Variants in HIVEP1 observed in about 807,000 individuals in gnomAD.
HIVEP1 encodes zinc finger protein 40.
HIVEP1 carries 36 observed loss-of-function variants against 180.0 expected under a neutral mutation model. The ratio of observed to expected loss-of-function variants is 0.20; its 90% CI spans 0.15 to 0.26. The LOEUF is 0.26. Ranked by LOEUF, HIVEP1 falls within the 10% of genes least tolerant of loss-of-function variation. The pLI, the probability that HIVEP1 is intolerant of heterozygous loss-of-function variation, is 1.00. For synonymous variants in HIVEP1, 1,239 were observed against 1,239.0 expected (o/e 1.00, Z 0.00); for missense variants, 3,143 against 3,268.7 (o/e 0.96, Z 0.94).
intron 2 of HIVEP1, among the ~76,000 whole-genome samples, chr6:12,056,362 A>C (rs972528628): frequency 6.6e-6 from 1 of 152,222 alleles, no homozygotes; most frequent in Non-Finnish European, 1.5e-5. Flanking sequence ...TAATAATAAT[A>C]ATCTGTGTTT....
the HIVEP1 span, among the ~76,000 whole-genome samples, chr6:12,178,692 A>G: frequency 1.3e-5 from 2 of 152,160 alleles, no homozygotes; most frequent in African/African-American, 2.4e-5. Context: ...ACAATCTGGC[A>G]GTATTTATTA....
chr6:12,141,185 T>C (rs1006394105), intron 7 of HIVEP1, among the ~76,000 whole-genome samples: 2 of 152,110 alleles, frequency 1.3e-5, no homozygotes, highest in African/African-American at 4.8e-5. Context: ...GCAGAAACTC[T>C]ACAAGCCAGA....
rs183222493 is a variant in HIVEP1 at position 12,074,194 on chromosome 6, C to T, written c.41-14990C>T. Among the ~76,000 whole-genome samples, 561 of 152,260 alleles carry T rather than the reference C, an allele frequency of 3.7e-3. 2 individuals are homozygous for T. The highest frequency in any genetic ancestry group is 3.5e-3 in the Non-Finnish European group (241 of 68,026). On this transcript the variant is annotated intron_variant, in intron 2 of 8. Coordinates refer to ENST00000379388, the MANE Select transcript of HIVEP1 (RefSeq NM_002114.4). ...CCTTACTCAAAAGTTGGCACATGGCCGATTCTAAAGATGATGTGAGTGTCC... is the reference window on the plus strand; with the variant it reads ...CCTTACTCAAAAGTTGGCACATGGCTGATTCTAAAGATGATGTGAGTGTCC...
the HIVEP1 span, among the ~76,000 whole-genome samples, chr6:12,205,776 T>C: frequency 6.6e-6 from 1 of 152,248 alleles, no homozygotes; most frequent in African/African-American, 2.4e-5. Context: ...GAACTGCTTT[T>C]GGACAATTAA....
chr6:12,102,559 A>G (rs1774172804), intron 3 of HIVEP1, among the ~76,000 whole-genome samples: 1 of 152,210 alleles, frequency 6.6e-6, no homozygotes, highest in South Asian at 2.1e-4. Context: ...TAGACTAGGA[A>G]CATTGCTGTC....
At position 12,124,300 on chromosome 6, in the gene HIVEP1, A is replaced by G. The variant is rs376318752; in HGVS notation, c.4505A>G (p.Asn1502Ser). The G allele has an allele frequency of 5.6e-6, 9 of 1,613,934 alleles. No individual in the cohort carries two copies. The highest frequency in any genetic ancestry group is 2.2e-5 in the East Asian group (1 of 44,902). Residue 1502 changes from asparagine (N) to serine (S), a missense_variant, in exon 4 of 9, where the codon AAC becomes AGC. By Grantham distance (46) the Asn-to-Ser change is conservative (BLOSUM62 1). This residue lies in a region of HIVEP1 where 1,357 missense variants were observed against 1,260.5 expected (regional missense o/e 1.08). Transcript: ENST00000379388. ...GAAACATCAAACTCCAGCTCTACCA[A>G]CGTTTTTCCTGTTCAACAGCTCTGT... ...QAETSNSSST[N>S]VFPVQQLCDI...
intron 7 of HIVEP1, among the ~76,000 whole-genome samples, chr6:12,139,487 G>T (rs1758885537): frequency 6.6e-6 from 1 of 152,336 alleles, no homozygotes; most frequent in East Asian, 1.9e-4. Context: ...GGACTGGTTG[G>T]ACAGTGGGTG....
At chr6:12,173,431 G>A in the HIVEP1 span, among the ~76,000 whole-genome samples, 2 of 152,104 alleles carry the variant, frequency 1.3e-5, no homozygotes, top group Admixed American at 6.6e-5. Flanking sequence ...GAAAGAAAGC[G>A]ATGACAGGAA....
intron 5 of HIVEP1, 48 bp from the exon 6 acceptor site, chr6:12,130,719 A>G (rs1197058419): frequency 9.6e-7 from 1 of 1,039,860 alleles, no homozygotes; most frequent in Non-Finnish European, 1.4e-6. Flanking sequence ...ATATTTTCTC[A>G]GAGGCATAGT....
downstream of HIVEP1, among the ~76,000 whole-genome samples, chr6:12,167,568 C>A (rs993178974): frequency 5.7e-4 from 1 of 1,766 alleles, no homozygotes; most frequent in Non-Finnish European, 1.0e-3. Context: ...ATATTACATG[C>A]ATGTTATATA....
chr6:12,184,872 TTA>T, the HIVEP1 span, among the ~76,000 whole-genome samples: 1 of 152,248 alleles, frequency 6.6e-6, no homozygotes, highest in Non-Finnish European at 1.5e-5. Context: ...AAGTCATTAT[TTA>T]TTTAAAAATA....
In HIVEP1 at chr6:12,124,762, C is replaced by G. The variant is rs765050164; in HGVS notation, c.4967C>G (p.Pro1656Arg). 4 of 1,614,182 alleles carry G rather than the reference C, an allele frequency of 2.5e-6. No homozygotes were observed. The highest frequency in any genetic ancestry group is 3.4e-6 in the Non-Finnish European group (4 of 1,180,028). ...TGTTTTGCTACACTCACATCCCTGC[C>G]ACAAATACTAGTGACCCAAGATCTG... ...AYCFATLTSLPQILVTQDLPN... is the reference protein window; with the variant it reads ...AYCFATLTSLRQILVTQDLPN... Residue 1656 changes from proline to arginine, a missense_variant, in exon 4 of 9, where the codon CCA (proline) becomes CGA (arginine). This residue lies in a region of HIVEP1 where 1,357 missense variants were observed against 1,260.5 expected (regional missense o/e 1.08). Transcript: ENST00000379388.
the HIVEP1 span, among the ~76,000 whole-genome samples, chr6:12,205,449 T>A: frequency 6.6e-5 from 10 of 151,028 alleles, no homozygotes; most frequent in South Asian, 4.2e-4. Flanking sequence ...CCAGCCTGGG[T>A]GACAGAGCAA....
intron 3 of HIVEP1, among the ~76,000 whole-genome samples, chr6:12,104,171 G>C (rs1353731096): frequency 6.6e-6 from 1 of 152,126 alleles, no homozygotes; most frequent in Admixed American, 6.5e-5. Context: ...TGTCTTGCTT[G>C]TGGTTTAGAG....
At chr6:12,092,930 T>G (rs149893922) in intron 3 of HIVEP1, among the ~76,000 whole-genome samples, 172 of 152,304 alleles carry the variant, frequency 1.1e-3, no homozygotes, top group African/African-American at 3.9e-3. Flanking sequence ...AGAAATCACC[T>G]GATTGGCTGC....
the HIVEP1 span, among the ~76,000 whole-genome samples, chr6:12,181,633 CA>C: frequency 6.6e-6 from 1 of 152,006 alleles, no homozygotes; most frequent in East Asian, 1.9e-4. Flanking sequence ...TGAAGTAATC[CA>C]AAAGAAAAGT....
intron 7 of HIVEP1, 83 bp downstream of exon 7, chr6:12,135,975 AT>A (rs1258064951): frequency 2.8e-6 from 2 of 710,850 alleles, no homozygotes; most frequent in Non-Finnish European, 4.8e-6. Context: ...ATTCCCACTG[AT>A]TCTGCCTAAT....
chr6:12,064,061 C>T (rs1771405343), intron 2 of HIVEP1, among the ~76,000 whole-genome samples: 1 of 152,182 alleles, frequency 6.6e-6, no homozygotes, highest in Admixed American at 6.5e-5. Flanking sequence ...AGGTTGCTTG[C>T]TCCTACCCAG....
chr6:12,081,625 G>A (rs1427959903), intron 2 of HIVEP1, among the ~76,000 whole-genome samples: 1 of 151,882 alleles, frequency 6.6e-6, no homozygotes, highest in Non-Finnish European at 1.5e-5. Flanking sequence ...AAACCTTGCC[G>A]CTCCACACCT....
Sources: gnomAD v4.1 joint callset for allele counts (sites outside exome capture counted in the v4.1 genomes callset) on GRCh38, gnomAD v4.1.1 for gene constraint, gnomAD v4.1.1 regional missense constraint, MANE v1.5 for transcripts, NCBI Gene and HGNC (gene_info 2026-07-23, HGNC 2026-07-21) for gene names.